The following YIF1B variants were observed in gnomAD, a reference collection of about 807,000 sequenced individuals.
The protein encoded by YIF1B is protein YIF1B.
YIF1B carries 24 observed loss-of-function variants against 34.6 expected under a neutral mutation model. That is an observed-to-expected ratio of 0.69 (90% CI 0.50 to 0.98). The LOEUF is 0.98. Ranked by LOEUF, YIF1B falls within the 50% of genes least tolerant of loss-of-function variation. The pLI is 0.00. For missense variants in YIF1B, 368 were observed against 429.4 expected (o/e 0.86, Z 1.26); for synonymous variants, 186 against 184.8 (o/e 1.01, Z -0.05).
intron 5 of YIF1B, 58 bp from the exon 6 acceptor site, chr19:38,307,810 C>T (rs1165442119): frequency 1.1e-5 from 18 of 1,593,526 alleles, no homozygotes; most frequent in East Asian, 4.5e-5. Flanking sequence ...ACCCCCAGCA[C>T]CCATCTGGGG....
At position 38,315,350 on chromosome 19, in the gene YIF1B, C is replaced by A. The variant is rs369197113; in HGVS notation, c.58+510G>T. ...TCAGGGCTCCCACAACATCTCCATC[C>A]CAACACAGGGCCTGACACATGGGAG... On this transcript the variant is annotated intron_variant, in intron 1 of 7. Transcript: ENST00000339413. 28 of 1,084,592 alleles carry A rather than the reference C, an allele frequency of 2.6e-5. No individual in the cohort carries two copies. In the East Asian group the frequency reaches 9.3e-4, roughly 36 times the overall value. 67.2% of individuals were successfully genotyped at this position (1,084,592 alleles called of 1,614,324 possible).
upstream of YIF1B, chr19:38,319,931 G>T: frequency 2.1e-6 from 3 of 1,398,986 alleles, no homozygotes; most frequent in South Asian, 1.6e-5. Context: ...CCCAGGGCTC[G>T]CGGGGTCCCG....
chr19:38,307,434 C>T lies in YIF1B; in HGVS notation c.783G>A (p.Val261=). ...VLGWCCVAIF[V]FMIRTLRLKI... ...AGCCCCGAGCCCAGCTCACCATGAACACAAAGATGGCTACGCAGCACCAGC... is the reference window on the plus strand; with the variant it reads ...AGCCCCGAGCCCAGCTCACCATGAATACAAAGATGGCTACGCAGCACCAGC... The change falls in exon 7 of 8, where the codon GTG becomes GTA. Residue 261 remains valine, a synonymous_variant. Coordinates refer to ENST00000339413, the MANE Select transcript of YIF1B (RefSeq NM_001039672.3). The T allele has an allele frequency of 1.2e-6, 2 of 1,613,688 alleles. No homozygotes were observed. Among genetic ancestry groups the T allele is most frequent in the East Asian group, 2.2e-5 (1 of 44,848 alleles).
Position 38,304,659 on chromosome 19 carries a change from C to T in YIF1B, c.*693G>A. 1 of 1,613,704 alleles carries T rather than the reference C, an allele frequency of 6.2e-7. No homozygotes were observed. The highest frequency in any genetic ancestry group is 1.1e-5 in the South Asian group (1 of 91,088). On this transcript the variant is annotated 3_prime_UTR_variant, in exon 8 of 8. Coordinates refer to ENST00000339413, the MANE Select transcript of YIF1B (RefSeq NM_001039672.3). ...ACAGCTCTTCCGACTCCAGCAGCAG[C>T]TCCAGCGATTCGGACACGGATGTGA...
intron 1 of YIF1B, chr19:38,309,924 T>TCACC (rs1333492543): frequency 1.1e-6 from 1 of 909,406 alleles, no homozygotes; most frequent in Non-Finnish European, 1.4e-6. Context: ...ACCCTCCCAC[T>TCACC]CACCCACCCA....
At chr19:38,308,160 G>T (rs1199526382) in intron 5 of YIF1B, among the ~76,000 whole-genome samples, 1 of 152,226 alleles carries the variant, frequency 6.6e-6, no homozygotes, top group Non-Finnish European at 1.5e-5. Flanking sequence ...GGCGATGTGA[G>T]CAAGAGGAGG....
Position 38,307,666 on chromosome 19 carries a change from T to TAGAGG in YIF1B, c.621_625dup (p.Tyr209SerfsTer27). ...GAGGTCGGTGTTGACAGTGACCAGA[T>TAGAGG]AGAGGCTGAGCAGGATGGCCAGCAC... On this transcript the variant is annotated frameshift_variant, in exon 6 of 8. Coordinates refer to ENST00000339413, the MANE Select transcript of YIF1B (RefSeq NM_001039672.3). LOFTEE classifies it high-confidence loss of function. The TAGAGG allele has an allele frequency of 1.2e-6, 2 of 1,613,640 alleles. No homozygotes were observed. The highest frequency in any genetic ancestry group is 3.3e-5 in the Admixed American group (2 of 59,980).
chr19:38,320,046 C>A (rs1388849140), upstream of YIF1B: 4 of 1,503,596 alleles, frequency 2.7e-6, no homozygotes, highest in Non-Finnish European at 2.6e-6. Context: ...AGGGGCCGCA[C>A]GAAGCCAGGC....
chr19:38,312,021 G>A (rs1195122987), intron 1 of YIF1B, among the ~76,000 whole-genome samples: 6 of 151,812 alleles, frequency 4.0e-5, no homozygotes, highest in Non-Finnish European at 7.4e-5. Flanking sequence ...TGCTTGAACC[G>A]GGACCGGGGA....
In YIF1B at chr19:38,305,117, A is replaced by G; in HGVS notation, c.*235T>C. On this transcript the variant is annotated 3_prime_UTR_variant, in exon 8 of 8. Transcript: ENST00000339413. ...AGGCCAAGGAGAGGCTGTCCACGCC[A>G]TGCCCATCAGGGTTTATTGTTTCTG... 3 of 1,447,450 alleles carry G rather than the reference A, an allele frequency of 2.1e-6. No homozygotes were observed. The highest frequency in any genetic ancestry group is 2.5e-5 in the East Asian group (1 of 40,064). The allele number at this position is 1,447,450 out of a possible 1,614,324, so 89.7% of individuals were successfully genotyped here. A position where few individuals can be genotyped will look rare whatever the true frequency, so the allele number is the denominator to read the frequency against.
At chr19:38,320,195 G>A (rs766729886), upstream of YIF1B, 2 of 1,601,738 alleles carry the variant, frequency 1.2e-6, no homozygotes, top group African/African-American at 1.3e-5. Context: ...AACGCTTCGG[G>A]GTCCGCCAAC....
chr19:38,305,059 CT>C lies in YIF1B; in HGVS notation c.*292del. ...TGGCCCGTCCCCAGCTCCCTGCCCC[CT>C]GCCCAGCGCTGGGCCCGCCCATTCG... On this transcript the variant is annotated 3_prime_UTR_variant, in exon 8 of 8. Transcript: ENST00000339413. The C allele has an allele frequency of 2.0e-6, 3 of 1,529,334 alleles. No individual in the cohort carries two copies. The highest frequency in any genetic ancestry group is 2.6e-6 in the Non-Finnish European group (3 of 1,135,644). 94.7% of individuals were successfully genotyped at this position (1,529,334 alleles called of 1,614,324 possible).
chr19:38,306,488 G>A (rs1284400389), intron 7 of YIF1B, among the ~76,000 whole-genome samples: 1 of 151,774 alleles, frequency 6.6e-6, no homozygotes, highest in Non-Finnish European at 1.5e-5. Context: ...TGGGATCACA[G>A]ATGTGAGTCA....
upstream of YIF1B, chr19:38,319,736 C>T (rs1464308720): frequency 3.9e-6 from 2 of 515,674 alleles, no homozygotes; most frequent in Non-Finnish European, 6.6e-6. Context: ...TCCACCCTCT[C>T]CGAACGAACA....
chr19:38,310,680 A>G (rs1305497093), intron 1 of YIF1B, among the ~76,000 whole-genome samples: 1 of 152,052 alleles, frequency 6.6e-6, no homozygotes, highest in African/African-American at 2.4e-5. Context: ...CCCCTCAATG[A>G]CTTGGCTCCA....
rs1037725384 is a variant in YIF1B, at chr19:38,305,636, C to T, written c.790-129G>A. ...CAGCTGGGGACAAGTCCCTGGCCCTCTGCAGCCTCAGGTTTCTGCTCCCGG... is the reference window on the plus strand; with the variant it reads ...CAGCTGGGGACAAGTCCCTGGCCCTTTGCAGCCTCAGGTTTCTGCTCCCGG... On this transcript the variant is annotated intron_variant, in intron 7 of 7. Transcript: ENST00000339413. The T allele has an allele frequency of 3.0e-6, 4 of 1,327,578 alleles. No homozygotes were observed. In the East Asian group the frequency reaches 7.8e-5, roughly 26 times the overall value. 82.2% of individuals were successfully genotyped at this position (1,327,578 alleles called of 1,614,324 possible). A position where few individuals can be genotyped will look rare whatever the true frequency, so the allele number is the denominator to read the frequency against.
At chr19:38,311,894 C>A (rs1421492332) in intron 1 of YIF1B, among the ~76,000 whole-genome samples, 1 of 152,128 alleles carries the variant, frequency 6.6e-6, no homozygotes, top group African/African-American at 2.4e-5. Flanking sequence ...GTCAGAAATT[C>A]AAGACCAGCC....
Position 38,304,040 on chromosome 19 carries a change from A to C in YIF1B, c.*1312T>G. 1.6e-6 allele frequency: 1 copy of C among 622,210 alleles called. No homozygotes were observed. Among genetic ancestry groups the C allele is most frequent in the Non-Finnish European group, 2.8e-6 (1 of 359,348 alleles). The allele number at this position is 622,210 out of a possible 1,614,324, so 38.5% of individuals were successfully genotyped here. A position where few individuals can be genotyped will look rare whatever the true frequency, so the allele number is the denominator to read the frequency against. ...CCCCTCAGTCGGCCTCCCCTGAGGCACCAAGGCTGGCGGAAGCAGTCACCT... is the reference window on the plus strand; with the variant it reads ...CCCCTCAGTCGGCCTCCCCTGAGGCCCCAAGGCTGGCGGAAGCAGTCACCT... On this transcript the variant is annotated 3_prime_UTR_variant, in exon 8 of 8. Coordinates refer to ENST00000339413, the MANE Select transcript of YIF1B (RefSeq NM_001039672.3).
In YIF1B at chr19:38,304,828, T is replaced by A; in HGVS notation, c.*524A>T. On this transcript the variant is annotated 3_prime_UTR_variant, in exon 8 of 8. Transcript: ENST00000339413. ...AGAACCATCTCTTCTCTCCCATCCC[T>A]GCCCTCGGCCCCACAGTCCCACGCT... 1 of 1,613,622 alleles carries A rather than the reference T, an allele frequency of 6.2e-7. No individual in the cohort carries two copies. The highest frequency in any genetic ancestry group is 8.5e-7 in the Non-Finnish European group (1 of 1,179,972).
Sources: gnomAD v4.1 joint callset for allele counts (sites outside exome capture counted in the v4.1 genomes callset) on GRCh38, gnomAD v4.1.1 for gene constraint, MANE v1.5 for transcripts, NCBI Gene and HGNC (gene_info 2026-07-23, HGNC 2026-07-21) for gene names.